Variants in FANK1 observed in about 807,000 individuals in gnomAD.
FANK1 encodes the protein fibronectin type 3 and ankyrin repeat domains protein 1.
In FANK1, 44 loss-of-function variants were observed where a neutral mutation model predicts 45.3. That is an observed-to-expected ratio of 0.97 (90% CI 0.76 to 1.25). The LOEUF (loss-of-function observed/expected upper bound fraction) is 1.25, where lower values mean the gene tolerates loss of function less well. FANK1 is among the 50% of genes most tolerant of loss of function. The pLI is 0.00. For missense variants in FANK1, 391 were observed against 424.4 expected, an observed-to-expected ratio of 0.92 and a Z score of 0.69; for synonymous variants, 149 against 152.5, an observed-to-expected ratio of 0.98 and a Z score of 0.17.
At chr10:125,997,963 A>T (rs943511205) in intron 6 of FANK1, among the ~76,000 whole-genome samples, 1 of 152,266 alleles carries the variant, frequency 6.6e-6, no homozygotes, top group Non-Finnish European at 1.5e-5. Context: ...TGAGAGGCAC[A>T]TGTCCCCTTG....
At chr10:125,899,624 T>C (rs1944871473) in intron 1 of FANK1, among the ~76,000 whole-genome samples, 1 of 152,214 alleles carries the variant, frequency 6.6e-6, no homozygotes, top group South Asian at 2.1e-4. Flanking sequence ...TTCTTTTAAC[T>C]TGGAGATTTG....
intron 1 of FANK1, among the ~76,000 whole-genome samples, chr10:125,937,833 A>T (rs1307120466): frequency 6.6e-6 from 1 of 152,174 alleles, no homozygotes; most frequent in Non-Finnish European, 1.5e-5. Flanking sequence ...GGTGGAAGGG[A>T]TAGGTGAGGG....
At chr10:125,934,162 A>T (rs1267971521) in intron 1 of FANK1, among the ~76,000 whole-genome samples, 5 of 152,220 alleles carry the variant, frequency 3.3e-5, no homozygotes, top group Non-Finnish European at 7.3e-5. Flanking sequence ...AGCTAATTTC[A>T]ACATAATGTG....
At chr10:125,901,358 G>A (rs1358009097) in intron 1 of FANK1, among the ~76,000 whole-genome samples, 1 of 151,876 alleles carries the variant, frequency 6.6e-6, no homozygotes, top group African/African-American at 2.4e-5. Context: ...CTCTTCCTCC[G>A]TACTCCAAGC....
rs1292236517 is a variant in FANK1, at chr10:126,009,132, G to A, written c.927+1G>A. ...GGCAGATGCAAGTGTAAAAAATGAG[G>A]TAAATGAGTCCATCTTTATGTAAAG... is the stretch of plus-strand genomic sequence containing the variant. On this transcript the variant is annotated splice_donor_variant, in intron 9 of 10. Transcript: ENST00000368693. LOFTEE classifies it high-confidence loss of function. 3 of 1,614,170 alleles carry A rather than the reference G, an allele frequency of 1.9e-6. No individual in the cohort carries two copies. Among genetic ancestry groups the A allele is most frequent in the Middle Eastern group, 1.6e-4 (1 of 6,062 alleles).
At chr10:125,923,011 CTCTTTT>C (rs200619938) in intron 1 of FANK1, among the ~76,000 whole-genome samples, 16 of 151,718 alleles carry the variant, frequency 1.1e-4, no homozygotes, top group South Asian at 2.1e-4. Flanking sequence ...TGGTTGGTTT[CTCTTTT>C]TCTTGTATGT....
At chr10:125,971,904 G>GCACA (rs1250987173) in intron 1 of FANK1, among the ~76,000 whole-genome samples, 17 of 152,150 alleles carry the variant, frequency 1.1e-4, no homozygotes, top group African/African-American at 4.1e-4. Flanking sequence ...TGGGATTACA[G>GCACA]GTGTGAGCCA....
rs1466920469 is a variant in FANK1, at chr10:125,988,569, T to C, written c.210T>C (p.His70=). ...GIIYTGYATK[H]VVEGLEPRTL... is the part of the protein sequence containing the mutation. ...TGTCTAGGGGATATGCAACGAAGCA[T>C]GTTGTTGAAGGTCTGGAACCAAGGA... The change falls in exon 3 of 11, where the codon CAT becomes CAC. Residue 70 remains histidine (H), a synonymous_variant. Transcript: ENST00000368693. The C allele has an allele frequency of 4.3e-6, 7 of 1,614,032 alleles. No individual in the cohort carries two copies. In the Admixed American group the frequency reaches 8.3e-5, roughly 19 times the overall value.
intron 6 of FANK1, among the ~76,000 whole-genome samples, chr10:125,998,817 A>C (rs1169131779): frequency 2.6e-5 from 4 of 152,238 alleles, no homozygotes; most frequent in Admixed American, 6.5e-5. Flanking sequence ...ATATCCATGC[A>C]AGAAACTAGA....
intron 3 of FANK1, chr10:125,994,336 C>A (rs1473771908): frequency 2.1e-6 from 2 of 953,730 alleles, no homozygotes; most frequent in Non-Finnish European, 2.5e-6. Flanking sequence ...TCATGCTAAC[C>A]CCCTAGAGCC....
chr10:125,946,221 G>T (rs1245195810), intron 1 of FANK1, among the ~76,000 whole-genome samples: 2 of 152,028 alleles, frequency 1.3e-5, no homozygotes, highest in Non-Finnish European at 2.9e-5. Context: ...CCAAAGGAAC[G>T]CAGTTCCTCA....
chr10:125,918,653 T>A (rs1181222843), intron 1 of FANK1, among the ~76,000 whole-genome samples: 2 of 143,646 alleles, frequency 1.4e-5, no homozygotes, highest in African/African-American at 5.2e-5. Flanking sequence ...TAAGCACCAT[T>A]TACCATTTGA....
chr10:126,008,379 C>T (rs1363858415), intron 7 of FANK1, 28 bp from the exon 8 acceptor site: 1 of 1,557,658 alleles, frequency 6.4e-7, no homozygotes, highest in South Asian at 1.2e-5. Context: ...AAATTGGGCT[C>T]AACACAGCTG....
rs534621604 is a variant in FANK1 at position 125,993,793 on chromosome 10, T to TA, written c.317-1617dup. Among the ~76,000 whole-genome samples the TA allele has an allele frequency of 3.7e-3, 558 of 152,258 alleles. 5 individuals carry two copies. The highest frequency in any genetic ancestry group is 0.013 in the African/African-American group (532 of 41,544). ...TGATGAAAAGGAAGTATAATGTAGC[T>TA]AAAAAAAGTCTGTAAGAGATTGGCT... is the stretch of plus-strand genomic sequence containing the variant. On this transcript the variant is annotated intron_variant, in intron 3 of 10. Transcript: ENST00000368693.
At chr10:125,920,814 T>C (rs1946892504) in intron 1 of FANK1, among the ~76,000 whole-genome samples, 1 of 152,194 alleles carries the variant, frequency 6.6e-6, no homozygotes, top group Non-Finnish European at 1.5e-5. Flanking sequence ...TCTCTAAATA[T>C]CAGTTTCTAA....
intron 1 of FANK1, among the ~76,000 whole-genome samples, chr10:125,935,753 T>C (rs1295659116): frequency 6.6e-6 from 1 of 152,234 alleles, no homozygotes; most frequent in Non-Finnish European, 1.5e-5. Context: ...ATATTTTGGC[T>C]ACATGTTATT....
chr10:125,997,549 C>A, intron 6 of FANK1, 64 bp downstream of exon 6: 1 of 1,475,220 alleles, frequency 6.8e-7, no homozygotes, highest in Non-Finnish European at 9.4e-7. Context: ...TAGGCTTGTG[C>A]CCAGAGGGGT....
intron 1 of FANK1, among the ~76,000 whole-genome samples, chr10:125,943,625 T>A (rs1948592630): frequency 6.6e-6 from 1 of 152,224 alleles, no homozygotes; most frequent in Admixed American, 6.5e-5. Flanking sequence ...AAATTTTGAA[T>A]GAACTCTCTA....
chr10:125,946,569 AAAT>A (rs1948816316), intron 1 of FANK1, among the ~76,000 whole-genome samples: 1 of 151,544 alleles, frequency 6.6e-6, no homozygotes, highest in Non-Finnish European at 1.5e-5. Flanking sequence ...AAAAGAATAA[AAAT>A]AAATGAGCAA....
Sources: allele counts gnomAD v4.1 joint callset (sites outside exome capture counted in the v4.1 genomes callset), GRCh38; gene constraint gnomAD v4.1.1; transcripts MANE v1.5; gene names NCBI Gene and HGNC (gene_info 2026-07-23, HGNC 2026-07-21).